DENND4C: variants seen among roughly 807,000 people sequenced by gnomAD.
DENND4C encodes DENN domain-containing protein 4C.
In DENND4C, 108 loss-of-function variants were observed where a neutral mutation model predicts 203.0. The ratio of observed to expected loss-of-function variants is 0.53; its 90% CI spans 0.46 to 0.62. DENND4C has a LOEUF of 0.62. Ranked by LOEUF, DENND4C falls within the 20% of genes least tolerant of loss-of-function variation. The pLI is 0.00. For missense variants in DENND4C, 2,481 were observed against 2,301.2 expected (o/e 1.08, Z -1.60); for synonymous variants, 871 against 792.4 (o/e 1.10, Z -1.67).
At chr9:19,310,609 A>G (rs1451204954) in intron 10 of DENND4C, among the ~76,000 whole-genome samples, 1 of 152,226 alleles carries the variant, frequency 6.6e-6, no homozygotes, top group African/African-American at 2.4e-5. Flanking sequence ...TTATAAATTA[A>G]GGAATTTACC....
chr9:19,319,337 C>T (rs12347753), intron 12 of DENND4C, among the ~76,000 whole-genome samples: 2 of 71,486 alleles, frequency 2.8e-5, no homozygotes, highest in African/African-American at 1.1e-4. Flanking sequence ...CATATATATA[C>T]ACATATATAT....
chr9:19,276,105 T>G, intron 1 of DENND4C, 53 bp from the exon 2 acceptor site: 1 of 928,594 alleles, frequency 1.1e-6, no homozygotes, highest in Non-Finnish European at 1.4e-6. Context: ...ATATTAATTT[T>G]TGTCAGGATA....
chr9:19,257,821 A>G (rs1379728887), intron 1 of DENND4C, among the ~76,000 whole-genome samples: 1 of 152,176 alleles, frequency 6.6e-6, no homozygotes, highest in Non-Finnish European at 1.5e-5. Context: ...GACACAAACT[A>G]CAAAAGTTTA....
intron 30 of DENND4C, among the ~76,000 whole-genome samples, chr9:19,367,186 T>A (rs534575597): frequency 1.6e-4 from 24 of 151,898 alleles, no homozygotes; most frequent in Non-Finnish European, 2.5e-4. Context: ...TAAAAAAAAA[T>A]AATAACGAGT....
At chr9:19,334,488 C>T (rs1032390976) in intron 17 of DENND4C, among the ~76,000 whole-genome samples, 1 of 148,738 alleles carries the variant, frequency 6.7e-6, no homozygotes, top group African/African-American at 2.5e-5. Flanking sequence ...AATGATGATA[C>T]TTGCATTAAT....
At chr9:19,342,124 C>CA (rs34191941) in intron 21 of DENND4C, among the ~76,000 whole-genome samples, 3,731 of 60,146 alleles carry the variant, frequency 0.062, 172 homozygotes, top group African/African-American at 0.12. Context: ...GACTCCATCT[C>CA]AAAAAAAAAA....
chr9:19,233,762 T>C (rs979905323), intron 1 of DENND4C, among the ~76,000 whole-genome samples: 2 of 152,062 alleles, frequency 1.3e-5, no homozygotes, highest in African/African-American at 4.8e-5. Context: ...CTGGCTAATT[T>C]TTGAATTTTT....
intron 16 of DENND4C, 109 bp downstream of exon 16, chr9:19,328,271 A>C: frequency 1.1e-4 from 117 of 1,112,704 alleles, no homozygotes; most frequent in Non-Finnish European, 1.3e-4. Flanking sequence ...TTGAAGACTC[A>C]CTTTGGTTGT....
intron 1 of DENND4C, among the ~76,000 whole-genome samples, chr9:19,254,231 C>A (rs116750604): frequency 0.011 from 1,671 of 152,260 alleles, 27 homozygotes; most frequent in African/African-American, 0.038. Flanking sequence ...AATCCCACTT[C>A]TAGGTATATA....
intron 32 of DENND4C, 87 bp downstream of exon 32, chr9:19,371,907 AAG>A: frequency 7.7e-7 from 1 of 1,299,828 alleles, no homozygotes; most frequent in Non-Finnish European, 1.1e-6. Flanking sequence ...GTATGTATAA[AAG>A]ATTTAAAAGA....
intron 12 of DENND4C, 143 bp downstream of exon 12, chr9:19,316,982 C>T (rs933390065): frequency 1.4e-6 from 1 of 736,158 alleles, no homozygotes; most frequent in African/African-American, 1.8e-5. Flanking sequence ...TGTAACCTAG[C>T]TTTATGACTA....
intron 10 of DENND4C, among the ~76,000 whole-genome samples, chr9:19,312,287 G>C (rs1588895519): frequency 1.3e-5 from 2 of 152,124 alleles, no homozygotes; most frequent in South Asian, 4.2e-4. Context: ...ATTTTTTGTA[G>C]AGATGGGGTT....
rs962310917 is a variant in DENND4C at position 19,352,599 on chromosome 9, C to T, written c.4715C>T (p.Pro1572Leu). Residue 1572 changes from proline (P) to leucine (L), a missense_variant, in exon 26 of 33, where the codon CCA becomes CTA. This residue lies in a region of DENND4C where 2,289 missense variants were observed against 2,113.3 expected (regional missense o/e 1.08). Transcript: ENST00000434457. ...ADDSNLNTAC[P>L]FCKSNFLPLL... ...GACTCAAATTTGAATACAGCTTGTC[C>T]ATTCTGTAAAAGCAACTTCTTGCCT... The T allele has an allele frequency of 2.5e-6, 4 of 1,613,456 alleles. No individual in the cohort carries two copies. Among genetic ancestry groups the T allele is most frequent in the East Asian group, 2.2e-5 (1 of 44,862 alleles).
chr9:19,345,398 C>G (rs970215879), intron 22 of DENND4C, among the ~76,000 whole-genome samples: 8 of 152,182 alleles, frequency 5.3e-5, no homozygotes, highest in African/African-American at 1.7e-4. Context: ...ATGGATATAT[C>G]TGAATAATTT....
At chr9:19,251,719 C>T (rs1826647842) in intron 1 of DENND4C, among the ~76,000 whole-genome samples, 1 of 152,190 alleles carries the variant, frequency 6.6e-6, no homozygotes, top group Non-Finnish European at 1.5e-5. Flanking sequence ...CAAAGTTCCA[C>T]AAATCTCTAG....
chr9:19,244,270 A>G (rs1425745729), intron 1 of DENND4C, among the ~76,000 whole-genome samples: 2 of 152,156 alleles, frequency 1.3e-5, no homozygotes, highest in African/African-American at 4.8e-5. Flanking sequence ...ACCTCAGGTC[A>G]TCCACCCACC....
chr9:19,253,609 T>G (rs935696453), intron 1 of DENND4C, among the ~76,000 whole-genome samples: 3 of 152,218 alleles, frequency 2.0e-5, no homozygotes, highest in African/African-American at 7.2e-5. Flanking sequence ...TTTAACAAAG[T>G]TCATCATTCA....
chr9:19,366,727 G>T (rs932530123), intron 30 of DENND4C, among the ~76,000 whole-genome samples: 4 of 152,184 alleles, frequency 2.6e-5, no homozygotes, highest in African/African-American at 7.2e-5. Context: ...AAACCTAAAT[G>T]TAAGAGCTAA....
intron 5 of DENND4C, among the ~76,000 whole-genome samples, chr9:19,295,382 A>G (rs748776726): frequency 2.6e-5 from 4 of 152,084 alleles, no homozygotes; most frequent in Non-Finnish European, 5.9e-5. Flanking sequence ...GTGGGCGCCT[A>G]TAGTCCCAGT....
Sources: gnomAD v4.1 joint callset for allele counts (sites outside exome capture counted in the v4.1 genomes callset) on GRCh38, gnomAD v4.1.1 for gene constraint, gnomAD v4.1.1 regional missense constraint, MANE v1.5 for transcripts, NCBI Gene and HGNC (gene_info 2026-07-23, HGNC 2026-07-21) for gene names.